Variants in ASMT observed in about 807,000 individuals in gnomAD.
ASMT encodes the protein acetylserotonin N-methyltransferase.
ASMT carries 53 observed loss-of-function variants against 41.3 expected under a neutral mutation model. The observed-to-expected ratio is 1.28, with a 90% CI of 1.03 to 1.61. The LOEUF (loss-of-function observed/expected upper bound fraction) is 1.61, where lower values mean the gene tolerates loss of function less well. Among genes scored for constraint, ASMT ranks in the 40% most tolerant of loss-of-function variants. The pLI, the probability that ASMT is intolerant of heterozygous loss-of-function variation, is 0.00. For missense variants in ASMT, 531 were observed against 441.3 expected (o/e 1.20, Z -1.82); for synonymous variants, 231 against 184.8 (o/e 1.25, Z -2.03).
At chrX:1,635,699 T>G (rs1934932264) in intron 7 of ASMT, among the ~76,000 whole-genome samples, 1 of 151,752 alleles carries the variant, frequency 6.6e-6, no homozygotes, top group Admixed American at 6.6e-5. Flanking sequence ...CCATCTCTAC[T>G]AAAAATACAA....
At chrX:1,636,645 A>G in intron 8 of ASMT, 85 bp downstream of exon 8, 2 of 1,606,448 alleles carry the variant, frequency 1.2e-6, no homozygotes, top group Non-Finnish European at 1.7e-6. Flanking sequence ...AGGCACTGAA[A>G]TCATCCCACA....
intron 2 of ASMT, 60 bp downstream of exon 2, chrX:1,623,373 G>T: frequency 6.3e-7 from 1 of 1,597,806 alleles, no homozygotes; most frequent in Non-Finnish European, 8.6e-7. Flanking sequence ...CAGCCCACGT[G>T]TTCTGTAAAA....
rs1431950394 is a variant in ASMT, at chrX:1,615,247, CA to C, written c.50del (p.Asn17ThrfsTer37). The C allele has an allele frequency of 2.5e-6, 4 of 1,596,422 alleles. No homozygotes were observed. Among genetic ancestry groups the C allele is most frequent in the Non-Finnish European group, 3.4e-6 (4 of 1,171,546 alleles). ...CCTATCGCCTCCTTAATGACTACGC[CA>C]ACGGCTTCATGGTGTCCCAGGTAGG... ...QAYRLLNDYANGFMVSQVLFA... is the reference protein window; with the variant it reads ...QAYRLLNDYAXGFMVSQVLFA... On this transcript the variant is annotated frameshift_variant, in exon 1 of 9. Coordinates refer to ENST00000381241, the MANE Select transcript of ASMT (RefSeq NM_001171038.2). LOFTEE classifies it high-confidence loss of function.
Position 1,641,702 on chromosome X carries a change from A to G in ASMT, c.911-1101A>G, listed in dbSNP as rs1207649668. 1.1e-3 allele frequency among the ~76,000 whole-genome samples: 166 copies of G among 145,868 alleles called. 7 individuals are homozygous for G. The highest frequency in any genetic ancestry group is 2.0e-3 in the Non-Finnish European group (130 of 66,472). On this transcript the variant is annotated intron_variant, in intron 8 of 8. Coordinates refer to ENST00000381241, the MANE Select transcript of ASMT (RefSeq NM_001171038.2). ...CAGCCTCTCTGTGTGAGATGGGGACAGTGTCCCAGTTCTCCTGTGAGGTCC... is the reference window on the plus strand; with the variant it reads ...CAGCCTCTCTGTGTGAGATGGGGACGGTGTCCCAGTTCTCCTGTGAGGTCC...
chrX:1,620,860 G>A (rs749309439), intron 1 of ASMT, among the ~76,000 whole-genome samples: 1 of 151,942 alleles, frequency 6.6e-6, no homozygotes, highest in Admixed American at 6.6e-5. Context: ...CTGCACTCCA[G>A]CCTGGCGACA....
chrX:1,621,897 G>A (rs1934349075), intron 1 of ASMT, among the ~76,000 whole-genome samples: 1 of 151,794 alleles, frequency 6.6e-6, no homozygotes, highest in Admixed American at 6.6e-5. Flanking sequence ...GTTTCTGCAC[G>A]TTGGTCAGGC....
rs1312643798 is a variant in ASMT at position 1,633,377 on chromosome X, A to T, written c.787+87A>T. The T allele has an allele frequency of 1.8e-5, 28 of 1,567,014 alleles. No individual in the cohort carries two copies. The South Asian group carries it at 2.8e-4, about 16-fold the overall frequency. On this transcript the variant is annotated intron_variant, in intron 7 of 8. Transcript: ENST00000381241. Reference sequence around the variant, plus strand: ...GTTTCTGGGAAATGAAGAAGATGTGATGTGGTTTTCCTCTCACTCCCGGAA... The same window carrying T: ...GTTTCTGGGAAATGAAGAAGATGTGTTGTGGTTTTCCTCTCACTCCCGGAA...
At chrX:1,620,513 T>C (rs1241882880) in intron 1 of ASMT, among the ~76,000 whole-genome samples, 2 of 152,010 alleles carry the variant, frequency 1.3e-5, no homozygotes, top group Non-Finnish European at 2.9e-5. Flanking sequence ...CTTAGAATAA[T>C]AAACTTTATG....
chrX:1,641,843 T>C (rs1226111632), intron 8 of ASMT, among the ~76,000 whole-genome samples: 74 of 123,560 alleles, frequency 6.0e-4, no homozygotes, highest in South Asian at 1.5e-3. Flanking sequence ...GACTTGGGCA[T>C]GGCCTCTATG....
chrX:1,623,422 C>G, intron 2 of ASMT, 109 bp downstream of exon 2: 3 of 1,376,476 alleles, frequency 2.2e-6, no homozygotes, highest in Non-Finnish European at 3.1e-6. Flanking sequence ...CAGTGAAACC[C>G]CGTCTCTACT....
chrX:1,635,615 A>C (rs1320562229), intron 7 of ASMT, among the ~76,000 whole-genome samples: 5 of 151,972 alleles, frequency 3.3e-5, no homozygotes, highest in African/African-American at 4.8e-5. Context: ...TAATCCCAGC[A>C]CTTTGGGAGG....
At chrX:1,641,751 A>ACTTGGG (rs1935181487) in intron 8 of ASMT, among the ~76,000 whole-genome samples, 1 of 148,110 alleles carries the variant, frequency 6.8e-6, no homozygotes, top group African/African-American at 2.5e-5. Flanking sequence ...GTCCATGAGT[A>ACTTGGG]CATGGACACA....
chrX:1,624,855 T>C, intron 3 of ASMT, among the ~76,000 whole-genome samples: 1 of 99,010 alleles, frequency 1.0e-5, no homozygotes, highest in East Asian at 3.4e-4. Flanking sequence ...CCCAGGCAGA[T>C]GCTGGGAGGT....
chrX:1,631,199 C>G (rs6644782), intron 5 of ASMT, among the ~76,000 whole-genome samples: 20,930 of 151,460 alleles, frequency 0.14, 1,531 homozygotes, highest in East Asian at 0.36. Flanking sequence ...CAGGCATGAG[C>G]CACTGCGCCG....
At chrX:1,628,940 C>T (rs1201748827) in intron 4 of ASMT, among the ~76,000 whole-genome samples, 1 of 127,108 alleles carries the variant, frequency 7.9e-6, no homozygotes, top group Non-Finnish European at 1.7e-5. Context: ...CTTTCTCTCT[C>T]TCTTTCTTTC....
At chrX:1,615,648 C>G (rs1354941363) in intron 1 of ASMT, among the ~76,000 whole-genome samples, 1 of 151,768 alleles carries the variant, frequency 6.6e-6, no homozygotes, top group South Asian at 2.1e-4. Flanking sequence ...ACTAAAAATA[C>G]AAAATTAGCC....
rs759871455 is a variant in ASMT at position 1,634,661 on chromosome X, C to T, written c.787+1371C>T. Among the ~76,000 whole-genome samples, 6 of 150,462 alleles carry T rather than the reference C, an allele frequency of 4.0e-5. No individual in the cohort carries two copies. The East Asian group carries it at 9.9e-4, about 25-fold the overall frequency. On this transcript the variant is annotated intron_variant, in intron 7 of 8. Transcript: ENST00000381241. ...ACAGGCCTGCTGAGTTAACCCCCCC[C>T]CTTTTTTTTTCTTGTTTTTTTGAGA...
intron 1 of ASMT, among the ~76,000 whole-genome samples, chrX:1,616,902 G>A (rs1235695388): frequency 6.6e-6 from 1 of 151,904 alleles, no homozygotes; most frequent in East Asian, 2.0e-4. Context: ...TAGAGACGGG[G>A]TTTCACCGTG....
At chrX:1,621,228 T>A (rs1934327754) in intron 1 of ASMT, among the ~76,000 whole-genome samples, 1 of 152,232 alleles carries the variant, frequency 6.6e-6, no homozygotes, top group Admixed American at 6.6e-5. Context: ...CTGTGGTTTG[T>A]TTATGACTTC....
Sources: allele counts gnomAD v4.1 joint callset (sites outside exome capture counted in the v4.1 genomes callset), GRCh38; gene constraint gnomAD v4.1.1; transcripts MANE v1.5; gene names NCBI Gene and HGNC (gene_info 2026-07-23, HGNC 2026-07-21).